The following N4BP1 variants were observed in gnomAD, a reference collection of about 807,000 sequenced individuals.
N4BP1 encodes NEDD4-binding protein 1.
In N4BP1, 21 loss-of-function variants were observed where a neutral mutation model predicts 70.9. The observed-to-expected ratio is 0.30, with a 90% CI of 0.21 to 0.43. The LOEUF (loss-of-function observed/expected upper bound fraction) is 0.43. Among genes scored for constraint, N4BP1 ranks in the 20% least tolerant of loss-of-function variants. The pLI is 1.00. For synonymous variants in N4BP1, 387 were observed against 394.6 expected, an observed-to-expected ratio of 0.98 and a Z score of 0.23; for missense variants, 936 against 1,069.4, an observed-to-expected ratio of 0.88 and a Z score of 1.74.
chr16:48,595,791 C>A (rs1022013729), intron 1 of N4BP1, among the ~76,000 whole-genome samples: 2 of 152,184 alleles, frequency 1.3e-5, no homozygotes, highest in Non-Finnish European at 2.9e-5. Flanking sequence ...AGTGACCTCA[C>A]ACCTTGTCTA....
At chr16:48,546,302 C>G (rs767207254) in intron 5 of N4BP1, 48 bp from the exon 6 acceptor site, 1 of 1,365,138 alleles carries the variant, frequency 7.3e-7, no homozygotes. Flanking sequence ...CCTCACTGCC[C>G]AGGGCCTGCG....
At chr16:48,545,868 A>C (rs1034551929) in intron 6 of N4BP1, among the ~76,000 whole-genome samples, 2 of 151,892 alleles carry the variant, frequency 1.3e-5, no homozygotes, top group African/African-American at 4.8e-5. Flanking sequence ...TCTACTAAAA[A>C]TACAAAAAAA....
At chr16:48,567,479 G>A (rs1374977209) in intron 1 of N4BP1, among the ~76,000 whole-genome samples, 1 of 151,882 alleles carries the variant, frequency 6.6e-6, no homozygotes, top group African/African-American at 2.4e-5. Flanking sequence ...CACCACACCT[G>A]GTTAATTTTT....
intron 1 of N4BP1, among the ~76,000 whole-genome samples, chr16:48,589,293 G>T (rs556447509): frequency 2.6e-5 from 4 of 152,140 alleles, no homozygotes; most frequent in African/African-American, 9.7e-5. Context: ...GGTCAGCAGA[G>T]ACCAAAGTAG....
chr16:48,582,985 C>T (rs1959742342), intron 1 of N4BP1, among the ~76,000 whole-genome samples: 2 of 152,112 alleles, frequency 1.3e-5, no homozygotes, highest in South Asian at 4.1e-4. Context: ...ACTCAGGAAG[C>T]TGAGGTGGGG....
At position 48,609,878 on chromosome 16, in the gene N4BP1, C is replaced by A; in HGVS notation, c.95G>T (p.Gly32Val). Residue 32 changes from glycine to valine, a missense_variant, in exon 1 of 7, where the codon GGC becomes GTC. Gly to Val is a moderately radical substitution (Grantham distance 109). Around this residue, in one of 4 missense-constraint regions of N4BP1, gnomAD observed 187 missense variants for 217.1 expected, o/e 0.86. Transcript: ENST00000262384. ...CGCGCCGAGCACGGCTAGGCTCACGCCAAACAGGCCCTCGATACGGCCGCG... is the reference window on the plus strand; with the variant it reads ...CGCGCCGAGCACGGCTAGGCTCACGACAAACAGGCCCTCGATACGGCCGCG... ...QSRGRIEGLFGVSLAVLGALG... is the reference protein window; with the variant it reads ...QSRGRIEGLFVVSLAVLGALG... 6.7e-7 allele frequency: 1 copy of A among 1,481,666 alleles called. No homozygotes were observed. Among genetic ancestry groups the A allele is most frequent in the Non-Finnish European group, 8.9e-7 (1 of 1,118,856 alleles). 91.8% of individuals were successfully genotyped at this position (1,481,666 alleles called of 1,614,324 possible).
Position 48,561,003 on chromosome 16 carries a change from C to T in N4BP1, c.1640G>A (p.Gly547Glu). The T allele has an allele frequency of 1.9e-6, 3 of 1,613,948 alleles. No homozygotes were observed. The highest frequency in any genetic ancestry group is 2.5e-6 in the Non-Finnish European group (3 of 1,179,870). The change falls in exon 2 of 7, where the codon GGA (glycine) becomes GAA (glutamate). Residue 547 changes from glycine to glutamate, a missense_variant. Coordinates refer to ENST00000262384, the MANE Select transcript of N4BP1 (RefSeq NM_153029.4). ...NMKSACEKRL[G>E]CCSSPHSKPN... ...CTTAGAATGAGGAGAACTACAACAT[C>T]CTAAACGTTTTTCACAGGCAGATTT...
In N4BP1 at chr16:48,560,762, A is replaced by T. The variant is rs779467111; in HGVS notation, c.1881T>A (p.Val627=). 1.9e-6 allele frequency: 3 copies of T among 1,597,062 alleles called. No homozygotes were observed. Among genetic ancestry groups the T allele is most frequent in the South Asian group, 2.3e-5 (2 of 88,254 alleles). ...GCAGAGAATGGACTTACGTAATTGC[A>T]ACATTGCTCCCATCTATAACAATGT... The part of the protein sequence containing the change: ...LKHIVIDGSN[V]AITHGLKKFF... Residue 627 remains valine (V), a synonymous_variant, in exon 2 of 7, where the codon GTT becomes GTA. Transcript: ENST00000262384.
Position 48,560,974 on chromosome 16 carries a change from T to C in N4BP1, c.1669A>G (p.Asn557Asp), listed in dbSNP as rs752155881. Residue 557 changes from asparagine to aspartate, a missense_variant, in exon 2 of 7, where the codon AAT becomes GAT. Asn to Asp is a conservative substitution (Grantham distance 23). Coordinates refer to ENST00000262384, the MANE Select transcript of N4BP1 (RefSeq NM_153029.4). ...GCCSSPHSKP[N>D]CSTLSPPMPL... is the part of the protein sequence containing the mutation. ...ATTGGTGGAGAAAGGGTTGAGCAATTTGGCTTAGAATGAGGAGAACTACAA... is the reference window on the plus strand; with the variant it reads ...ATTGGTGGAGAAAGGGTTGAGCAATCTGGCTTAGAATGAGGAGAACTACAA... The C allele has an allele frequency of 1.9e-6, 3 of 1,613,872 alleles. No individual in the cohort carries two copies. The African/African-American group carries it at 4.0e-5, about 22-fold the overall frequency.
chr16:48,547,347 A>G (rs898117064), intron 5 of N4BP1, among the ~76,000 whole-genome samples: 1 of 152,230 alleles, frequency 6.6e-6, no homozygotes, highest in African/African-American at 2.4e-5. Context: ...TGGTTAACCA[A>G]AAGTCCTAGA....
At chr16:48,605,840 G>A (rs1280856443) in intron 1 of N4BP1, among the ~76,000 whole-genome samples, 5 of 152,130 alleles carry the variant, frequency 3.3e-5, no homozygotes, top group Non-Finnish European at 7.3e-5. Flanking sequence ...TTCTTCAGCA[G>A]GCCCCAAGCA....
rs1963495136 is a variant in N4BP1 at position 48,541,266 on chromosome 16, G to A, written c.*1638C>T. 6.6e-6 allele frequency: 1 copy of A among 152,278 alleles called. No homozygotes were observed. Among genetic ancestry groups the A allele is most frequent in the Non-Finnish European group, 1.5e-5 (1 of 68,072 alleles). 9.4% of individuals were successfully genotyped at this position (152,278 alleles called of 1,614,324 possible). On this transcript the variant is annotated 3_prime_UTR_variant, in exon 7 of 7. Coordinates refer to ENST00000262384, the MANE Select transcript of N4BP1 (RefSeq NM_153029.4). Reference sequence around the variant, plus strand: ...ACCTCAGTTGTGCTTTTGAAAACAGGTACAAAGCTGAGGCATGGGAGCTGT... The same window carrying A: ...ACCTCAGTTGTGCTTTTGAAAACAGATACAAAGCTGAGGCATGGGAGCTGT...
At chr16:48,582,853 G>A (rs1964193348) in intron 1 of N4BP1, among the ~76,000 whole-genome samples, 1 of 152,144 alleles carries the variant, frequency 6.6e-6, no homozygotes, top group African/African-American at 2.4e-5. Context: ...TAGCACTTGG[G>A]GAGGCCAGGA....
intron 1 of N4BP1, among the ~76,000 whole-genome samples, chr16:48,574,648 A>C (rs917403144): frequency 1.3e-5 from 2 of 152,220 alleles, no homozygotes; most frequent in Non-Finnish European, 2.9e-5. Flanking sequence ...CCGACATTTT[A>C]ATCAACTTAA....
Position 48,541,091 on chromosome 16 carries a change from C to G in N4BP1, c.*1813G>C, listed in dbSNP as rs1308831488. On this transcript the variant is annotated 3_prime_UTR_variant, in exon 7 of 7. Coordinates refer to ENST00000262384, the MANE Select transcript of N4BP1 (RefSeq NM_153029.4). ...GGTGGCCCCCTCAGCCTAGCCAGCACCAACCAGCATGGGTGGAGACTCAGC... is the reference window on the plus strand; with the variant it reads ...GGTGGCCCCCTCAGCCTAGCCAGCAGCAACCAGCATGGGTGGAGACTCAGC... The G allele has an allele frequency of 1.3e-5, 2 of 152,228 alleles. No homozygotes were observed. The highest frequency in any genetic ancestry group is 3.9e-4 in the East Asian group (2 of 5,194). 9.4% of individuals were successfully genotyped at this position (152,228 alleles called of 1,614,324 possible). A position where few individuals can be genotyped will look rare whatever the true frequency, so the allele number is the denominator to read the frequency against.
At chr16:48,609,182 A>C (rs942719143) in intron 1 of N4BP1, among the ~76,000 whole-genome samples, 5 of 152,104 alleles carry the variant, frequency 3.3e-5, no homozygotes, top group Admixed American at 6.5e-5. Flanking sequence ...GCCACACTGC[A>C]CTCCACTGTG....
intron 1 of N4BP1, among the ~76,000 whole-genome samples, chr16:48,575,399 T>C (rs1958376058): frequency 6.6e-6 from 1 of 152,258 alleles, no homozygotes; most frequent in African/African-American, 2.4e-5. Context: ...ATACATGATA[T>C]ATAAGTTAAC....
chr16:48,552,176 G>T (rs1431385735), intron 3 of N4BP1, among the ~76,000 whole-genome samples: 1 of 152,138 alleles, frequency 6.6e-6, no homozygotes, highest in Non-Finnish European at 1.5e-5. Flanking sequence ...GTCTGTTGAA[G>T]CCTCCTCCTA....
chr16:48,567,784 C>A (rs545452677), intron 1 of N4BP1, among the ~76,000 whole-genome samples: 2 of 152,278 alleles, frequency 1.3e-5, no homozygotes, highest in Admixed American at 6.5e-5. Flanking sequence ...GTTTTGACAT[C>A]TTGGGGGACC....
Sources: gnomAD v4.1 joint callset for allele counts (sites outside exome capture counted in the v4.1 genomes callset) on GRCh38, gnomAD v4.1.1 for gene constraint, gnomAD v4.1.1 regional missense constraint, MANE v1.5 for transcripts, NCBI Gene and HGNC (gene_info 2026-07-23, HGNC 2026-07-21) for gene names.